Variants in TDRD9 observed in about 807,000 individuals in gnomAD.
The protein encoded by TDRD9 is ATP-dependent RNA helicase TDRD9.
Under a neutral mutation model 172.6 loss-of-function variants are expected in TDRD9, and 124 were observed. The ratio of observed to expected loss-of-function variants is 0.72; its 90% confidence interval spans 0.62 to 0.83. The LOEUF (loss-of-function observed/expected upper bound fraction) is 0.83, where lower values mean the gene tolerates loss of function less well. Among genes scored for constraint, TDRD9 ranks in the 40% least tolerant of loss-of-function variants. The pLI is 0.00. For synonymous variants in TDRD9, 619 were observed against 617.1 expected, an observed-to-expected ratio of 1.00 and a Z score of -0.05; for missense variants, 1,479 against 1,714.1, an observed-to-expected ratio of 0.86 and a Z score of 2.42.
chr14:103,953,959 A>G (rs2032073464), intron 1 of TDRD9, among the ~76,000 whole-genome samples: 1 of 152,174 alleles, frequency 6.6e-6, no homozygotes, highest in Non-Finnish European at 1.5e-5. Context: ...AAAATGTTTT[A>G]CCAGCTATCT....
rs892457072 is a variant in TDRD9, at chr14:103,963,842, T to TA, written c.420+668dup. 3.7e-4 allele frequency among the ~76,000 whole-genome samples: 56 copies of TA among 152,222 alleles called. 1 individual carries two copies. Reference sequence around the variant, plus strand: ...AAAAATTAGAGGCCAGTATTCAAATTAATTTGTATTTCCTGACCATATCAA... The same window carrying TA: ...AAAAATTAGAGGCCAGTATTCAAATTAAATTTGTATTTCCTGACCATATCAA... On this transcript the variant is annotated intron_variant, in intron 3 of 35. Transcript: ENST00000409874.
chr14:103,940,943 G>C (rs1251016553), intron 1 of TDRD9: 1 of 1,535,428 alleles, frequency 6.5e-7, no homozygotes, highest in East Asian at 2.4e-5. Context: ...CTGTCACCTT[G>C]GATCACAGAA....
rs1566723223 is a variant in TDRD9 at position 103,938,429 on chromosome 14, TATA to T, written c.215+9706_215+9708del. 1.4e-3 allele frequency among the ~76,000 whole-genome samples: 84 copies of T among 60,710 alleles called. 3 individuals carry two copies. The highest frequency in any genetic ancestry group is 5.0e-3 in the African/African-American group (82 of 16,534). 39.8% of individuals were successfully genotyped at this position (60,710 alleles called of 152,430 possible). ...GTGTGTGTGTGTATATATATATATA[TATA>T]TATATATATTTTTTTTTTTTTTTTG... On this transcript the variant is annotated intron_variant, in intron 1 of 35. Coordinates refer to ENST00000409874, the MANE Select transcript of TDRD9 (RefSeq NM_153046.3).
chr14:104,019,413 A>C (rs1282547401), intron 23 of TDRD9, among the ~76,000 whole-genome samples: 1 of 152,030 alleles, frequency 6.6e-6, no homozygotes, highest in Non-Finnish European at 1.5e-5. Context: ...ATCAGGCTGG[A>C]GTGCAGTGGC....
intron 6 of TDRD9, among the ~76,000 whole-genome samples, chr14:103,974,089 C>T (rs1595934472): frequency 6.6e-6 from 1 of 152,172 alleles, no homozygotes; most frequent in Non-Finnish European, 1.5e-5. Context: ...GTAGTCCTAC[C>T]TACCTCAGAG....
At chr14:104,049,493 T>C (rs976241237) in intron 34 of TDRD9, 115 bp from the exon 35 acceptor site, 1 of 785,494 alleles carries the variant, frequency 1.3e-6, no homozygotes, top group Non-Finnish European at 2.0e-6. Flanking sequence ...TTAAACAGTT[T>C]ATTCTAGTTC....
In TDRD9 at chr14:104,018,097, A is replaced by G. The variant is rs2152234845; in HGVS notation, c.2337A>G (p.Lys779=). The change falls in exon 23 of 36, where the codon AAA becomes AAG. Residue 779 remains lysine, a synonymous_variant. Transcript: ENST00000409874. ...GKDPKTTVVL[K]HIPPYGFLYY... is the part of the protein sequence containing the mutation. ...TTTTGTGTTATATTTTACAGTTGAA[A>G]CACATTCCTCCCTATGGATTTCTTT... is the stretch of plus-strand genomic sequence containing the variant. The G allele has an allele frequency of 1.3e-6, 2 of 1,587,284 alleles. No individual in the cohort carries two copies. Among genetic ancestry groups the G allele is most frequent in the Non-Finnish European group, 1.7e-6 (2 of 1,159,044 alleles).
At chr14:103,941,577 TC>T in intron 1 of TDRD9, 2 of 1,535,324 alleles carry the variant, frequency 1.3e-6, no homozygotes, top group Non-Finnish European at 1.7e-6. Context: ...TCTCTCTCGC[TC>T]CTTTAGGTGC....
chr14:103,947,737 A>G (rs1000278616), intron 1 of TDRD9, among the ~76,000 whole-genome samples: 1 of 152,242 alleles, frequency 6.6e-6, no homozygotes, highest in Non-Finnish European at 1.5e-5. Flanking sequence ...GAAATGGATT[A>G]AAGCTCAAAA....
chr14:103,949,419 T>G (rs1402133649), intron 1 of TDRD9, among the ~76,000 whole-genome samples: 1 of 152,222 alleles, frequency 6.6e-6, no homozygotes, highest in Non-Finnish European at 1.5e-5. Context: ...GTTGGCAGAT[T>G]GAAGTGTTTT....
At chr14:104,024,332 A>G (rs1476397918) in intron 24 of TDRD9, among the ~76,000 whole-genome samples, 2 of 152,158 alleles carry the variant, frequency 1.3e-5, no homozygotes, top group Admixed American at 6.5e-5. Flanking sequence ...ATTATATACT[A>G]CTTGGAGGGT....
At chr14:104,007,076 AT>A in intron 18 of TDRD9, 83 bp from the exon 19 acceptor site, 1 of 1,334,798 alleles carries the variant, frequency 7.5e-7, no homozygotes. Context: ...TATGTTGTAA[AT>A]TTTCAGGTTT....
At chr14:103,940,921 G>T in intron 1 of TDRD9, 1 of 1,535,336 alleles carries the variant, frequency 6.5e-7, no homozygotes, top group South Asian at 1.2e-5. Flanking sequence ...ATCTTTGTCT[G>T]CCCTCTTGGA....
At chr14:103,928,861 A>T in intron 1 of TDRD9, 137 bp downstream of exon 1, 2 of 206,402 alleles carry the variant, frequency 9.7e-6, no homozygotes, top group Non-Finnish European at 1.9e-5. Flanking sequence ...GTCCAGGGCG[A>T]GTGGTCACTA....
chr14:103,965,577 GACTA>G, intron 4 of TDRD9, 23 bp downstream of exon 4: 2 of 1,427,016 alleles, frequency 1.4e-6, no homozygotes, highest in Admixed American at 4.0e-5. Context: ...GGGAGGGAGG[GACTA>G]AGAGAGCCAG....
At chr14:103,961,343 G>A (rs1355524298) in intron 2 of TDRD9, among the ~76,000 whole-genome samples, 1 of 152,096 alleles carries the variant, frequency 6.6e-6, no homozygotes, top group African/African-American at 2.4e-5. Context: ...CAATTTGAGA[G>A]GCCGAGATCA....
chr14:103,952,245 T>A (rs1310894286), intron 1 of TDRD9, among the ~76,000 whole-genome samples: 4 of 61,524 alleles, frequency 6.5e-5, no homozygotes, highest in Non-Finnish European at 1.2e-4. Context: ...TTTTTTTTTT[T>A]TTTTTTTTTT....
chr14:103,948,207 G>A (rs1349062834), intron 1 of TDRD9, among the ~76,000 whole-genome samples: 1 of 151,838 alleles, frequency 6.6e-6, no homozygotes, highest in African/African-American at 2.4e-5. Flanking sequence ...TGTAGAGACA[G>A]GGTCTTACTA....
chr14:103,945,653 C>T (rs1267970505), intron 1 of TDRD9: 4 of 152,118 alleles, frequency 2.6e-5, no homozygotes, highest in African/African-American at 9.7e-5. Flanking sequence ...CTGTTAGGTC[C>T]TTTGCTTTTT....
Sources: gnomAD v4.1 joint callset for allele counts (sites outside exome capture counted in the v4.1 genomes callset) on GRCh38, gnomAD v4.1.1 for gene constraint, MANE v1.5 for transcripts, NCBI Gene and HGNC (gene_info 2026-07-23, HGNC 2026-07-21) for gene names.